Variants in TANC2 observed in about 807,000 individuals in gnomAD.
TANC2 encodes the protein protein TANC2.
In TANC2, 26 loss-of-function variants were observed where a neutral mutation model predicts 210.5. That is an observed-to-expected ratio of 0.12 (90% CI 0.09 to 0.17). TANC2 has a LOEUF of 0.17. TANC2 is among the 10% of genes least tolerant of loss of function. The pLI is 1.00. For missense variants in TANC2, 2,129 were observed against 2,608.9 expected (o/e 0.82, Z 4.01); for synonymous variants, 931 against 967.1 (o/e 0.96, Z 0.69).
At chr17:63,018,487 A>AG (rs1341685565) in intron 2 of TANC2, among the ~76,000 whole-genome samples, 2 of 151,530 alleles carry the variant, frequency 1.3e-5, no homozygotes, top group Non-Finnish European at 2.9e-5. Flanking sequence ...TCTCAAAAAA[A>AG]AAAAATAAAT....
intron 9 of TANC2, among the ~76,000 whole-genome samples, chr17:63,272,339 C>A (rs1292575322): frequency 1.3e-5 from 2 of 152,082 alleles, no homozygotes; most frequent in Admixed American, 6.6e-5. Context: ...CAGTACCATG[C>A]TGTTTTGGTT....
At chr17:63,104,441 T>TG (rs1210363958) in intron 4 of TANC2, among the ~76,000 whole-genome samples, 4 of 152,198 alleles carry the variant, frequency 2.6e-5, no homozygotes, top group Non-Finnish European at 5.9e-5. Context: ...GGGTGAAAAC[T>TG]GGTACAACCA....
intron 6 of TANC2, among the ~76,000 whole-genome samples, chr17:63,194,622 T>G (rs2041284005): frequency 6.6e-6 from 1 of 152,250 alleles, no homozygotes; most frequent in South Asian, 2.1e-4. Flanking sequence ...AAATACACAT[T>G]TAAAACTAAT....
chr17:63,037,295 A>G (rs1452174729), intron 2 of TANC2, among the ~76,000 whole-genome samples: 1 of 152,096 alleles, frequency 6.6e-6, no homozygotes, highest in Non-Finnish European at 1.5e-5. Flanking sequence ...GGGATGATTT[A>G]CATCCTGAGC....
intron 9 of TANC2, among the ~76,000 whole-genome samples, chr17:63,278,551 C>T (rs1365966625): frequency 6.6e-6 from 1 of 151,926 alleles, no homozygotes; most frequent in African/African-American, 2.4e-5. Context: ...GGTGCAGTTG[C>T]TATGGAAAAC....
At chr17:63,365,399 G>A (rs1170901695) in intron 14 of TANC2, among the ~76,000 whole-genome samples, 1 of 152,068 alleles carries the variant, frequency 6.6e-6, no homozygotes, top group East Asian at 1.9e-4. Context: ...TGATCATAAT[G>A]ACCACATCCT....
chr17:63,279,106 C>T (rs1316243116), intron 9 of TANC2, among the ~76,000 whole-genome samples: 4 of 152,064 alleles, frequency 2.6e-5, no homozygotes, highest in Non-Finnish European at 5.9e-5. Flanking sequence ...TAGCCTCTCC[C>T]CCTATGGAAG....
chr17:63,297,286 G>T (rs2044565829), intron 9 of TANC2, among the ~76,000 whole-genome samples: 1 of 152,102 alleles, frequency 6.6e-6, no homozygotes, highest in Non-Finnish European at 1.5e-5. Flanking sequence ...AACAAAGTTG[G>T]AAGTGTCAAA....
At chr17:63,273,924 C>G (rs1157593466) in intron 9 of TANC2, among the ~76,000 whole-genome samples, 1 of 152,196 alleles carries the variant, frequency 6.6e-6, no homozygotes, top group Non-Finnish European at 1.5e-5. Flanking sequence ...GCAGATCACA[C>G]TTTTAAAACC....
chr17:63,345,639 A>C (rs568093873), intron 12 of TANC2, among the ~76,000 whole-genome samples: 3 of 147,634 alleles, frequency 2.0e-5, no homozygotes, highest in Non-Finnish European at 3.0e-5. Flanking sequence ...AAAAAAAAAA[A>C]CACATAATCC....
rs1336943023 is a variant in TANC2 at position 63,208,105 on chromosome 17, AT to A, written c.769+7154del. On this transcript the variant is annotated intron_variant, in intron 7 of 27. Coordinates refer to ENST00000689528, the Ensembl canonical transcript of TANC2. Reference sequence around the variant, plus strand: ...CCTTACAGATTTGAAGGAAATCTTTATTTTTTAATAGGAAGCCTTAATTTTA... The same window carrying A: ...CCTTACAGATTTGAAGGAAATCTTTATTTTTAATAGGAAGCCTTAATTTTA... Among the ~76,000 whole-genome samples the A allele has an allele frequency of 2.0e-5, 3 of 151,944 alleles. No individual in the cohort carries two copies. The East Asian group carries it at 5.8e-4, about 29-fold the overall frequency.
At chr17:63,137,994 G>A (rs1430949053) in intron 4 of TANC2, among the ~76,000 whole-genome samples, 3 of 152,218 alleles carry the variant, frequency 2.0e-5, no homozygotes, top group East Asian at 3.9e-4. Context: ...GGGCATATGG[G>A]TAAACTGCAT....
intron 5 of TANC2, among the ~76,000 whole-genome samples, chr17:63,171,564 G>T (rs2040405924): frequency 6.6e-6 from 1 of 152,090 alleles, no homozygotes; most frequent in Non-Finnish European, 1.5e-5. Context: ...AACAACTGGA[G>T]AATTTCTTTA....
At chr17:63,385,236 T>C (rs1483238959) in intron 15 of TANC2, among the ~76,000 whole-genome samples, 1 of 152,222 alleles carries the variant, frequency 6.6e-6, no homozygotes, top group African/African-American at 2.4e-5. Flanking sequence ...GCTAAAAGCT[T>C]CCTCTGTTAG....
chr17:63,091,232 A>G (rs373275669), intron 3 of TANC2, among the ~76,000 whole-genome samples: 10 of 152,186 alleles, frequency 6.6e-5, no homozygotes, highest in East Asian at 1.9e-4. Flanking sequence ...TCATTTGTCA[A>G]TTTTGGCTTT....
At chr17:63,361,517 G>A (rs895818074) in intron 14 of TANC2, among the ~76,000 whole-genome samples, 5 of 152,218 alleles carry the variant, frequency 3.3e-5, no homozygotes, top group African/African-American at 4.8e-5. Context: ...CATATTGCAC[G>A]CAGCTTCCAC....
At chr17:63,038,258 C>T (rs2035053022) in intron 2 of TANC2, among the ~76,000 whole-genome samples, 1 of 152,120 alleles carries the variant, frequency 6.6e-6, no homozygotes, top group African/African-American at 2.4e-5. Context: ...TACTTTTTCT[C>T]TGATCAAGTA....
At chr17:63,229,756 T>C (rs1415977549) in intron 7 of TANC2, among the ~76,000 whole-genome samples, 1 of 150,712 alleles carries the variant, frequency 6.6e-6, no homozygotes, top group African/African-American at 2.4e-5. Flanking sequence ...TAGTATTCTC[T>C]AATGATTGTT....
intron 7 of TANC2, among the ~76,000 whole-genome samples, chr17:63,227,725 T>C: frequency 6.6e-6 from 1 of 152,152 alleles, no homozygotes; most frequent in Non-Finnish European, 1.5e-5. Flanking sequence ...TATTCTAGGG[T>C]TTTTATTGTT....
Sources: allele counts gnomAD v4.1 joint callset (sites outside exome capture counted in the v4.1 genomes callset), GRCh38; gene constraint gnomAD v4.1.1; transcripts MANE v1.5; gene names NCBI Gene and HGNC (gene_info 2026-07-23, HGNC 2026-07-21).